SPTAN1: variants seen among roughly 807,000 people sequenced by gnomAD.
The protein encoded by SPTAN1 is spectrin alpha chain, non-erythrocytic 1.
In SPTAN1, 61 loss-of-function variants were observed where a neutral mutation model predicts 331.3. The observed-to-expected ratio is 0.18, with a 90% CI of 0.15 to 0.23. The LOEUF is 0.23. Ranked by LOEUF, SPTAN1 falls within the 10% of genes least tolerant of loss-of-function variation. SPTAN1 has a pLI of 1.00. For missense variants in SPTAN1, 2,043 were observed against 3,147.9 expected (o/e 0.65, Z 8.40); for synonymous variants, 1,153 against 1,173.9 (o/e 0.98, Z 0.36).
chr9:128,608,561 A>G (rs1435201142), intron 34 of SPTAN1, among the ~76,000 whole-genome samples: 1 of 152,238 alleles, frequency 6.6e-6, no homozygotes. Context: ...TGTTTGATTT[A>G]TACGTCACTT....
At position 128,608,230 on chromosome 9, in the gene SPTAN1, C is replaced by T; in HGVS notation, c.4445C>T (p.Ala1482Val). The change falls in exon 34 of 57, where the codon GCT becomes GTT. Residue 1482 changes from alanine to valine, a missense_variant. This residue lies in a region of SPTAN1 where 179 missense variants were observed against 215.7 expected (regional missense o/e 0.83). Coordinates refer to ENST00000372739, the MANE Select transcript of SPTAN1 (RefSeq NM_001130438.3). The part of the protein sequence containing the change: ...DKGDSLDSVE[A>V]LIKKHEDFDK... ...GGAGACTCACTGGACAGCGTAGAGGCTCTGATCAAAAAACATGAAGACTTT... is the reference window on the plus strand; with the variant it reads ...GGAGACTCACTGGACAGCGTAGAGGTTCTGATCAAAAAACATGAAGACTTT... 1 of 1,614,138 alleles carries T rather than the reference C, an allele frequency of 6.2e-7. No individual in the cohort carries two copies. The highest frequency in any genetic ancestry group is 8.5e-7 in the Non-Finnish European group (1 of 1,180,028).
Position 128,626,607 on chromosome 9 carries a change from C to T in SPTAN1, c.6496C>T (p.Arg2166Cys), listed in dbSNP as rs775190610. 24 of 1,613,838 alleles carry T rather than the reference C, an allele frequency of 1.5e-5. No homozygotes were observed. The highest frequency in any genetic ancestry group is 4.5e-5 in the East Asian group (2 of 44,882). Residue 2166 changes from arginine (R) to cysteine (C), a missense_variant, in exon 49 of 57, where the codon CGC becomes TGC. Around this residue, in one of 12 missense-constraint regions of SPTAN1, gnomAD observed 256 missense variants for 376.4 expected, o/e 0.68. Coordinates refer to ENST00000372739, the MANE Select transcript of SPTAN1 (RefSeq NM_001130438.3). ...AELDRQIKSFRVASNPYTWFT... is the reference protein window; with the variant it reads ...AELDRQIKSFCVASNPYTWFT... ...GCTGGACCGCCAGATCAAGAGCTTCCGCGTAGCCTCCAACCCCTACACCTG... is the reference window on the plus strand; with the variant it reads ...GCTGGACCGCCAGATCAAGAGCTTCTGCGTAGCCTCCAACCCCTACACCTG...
intron 49 of SPTAN1, 150 bp downstream of exon 49, chr9:128,626,837 G>T: frequency 1.0e-6 from 1 of 982,880 alleles, no homozygotes. Flanking sequence ...TTGTGTTCTT[G>T]AGGCAGGGTC....
At chr9:128,567,159 A>T (rs1353840297) in intron 2 of SPTAN1, among the ~76,000 whole-genome samples, 182 bp downstream of exon 2, 1 of 152,202 alleles carries the variant, frequency 6.6e-6, no homozygotes, top group African/African-American at 2.4e-5. Context: ...TCTTAGAGGT[A>T]TTAATTGTCT....
rs539925228 is a variant in SPTAN1, at chr9:128,617,123, C to CAGCT, written c.5358-515_5358-512dup. ...GCATAGTGGCGCACACCTGTGGTCC[C>CAGCT]AGCTACTCCGGAGGCTGAGGTGGGA... is the stretch of plus-strand genomic sequence containing the variant. On this transcript the variant is annotated intron_variant, in intron 41 of 56. Coordinates refer to ENST00000372739, the MANE Select transcript of SPTAN1 (RefSeq NM_001130438.3). Among the ~76,000 whole-genome samples, 771 of 152,004 alleles carry CAGCT rather than the reference C, an allele frequency of 5.1e-3. 4 individuals are homozygous for CAGCT. Among genetic ancestry groups the CAGCT allele is most frequent in the Admixed American group, 8.4e-3 (128 of 15,238 alleles).
intron 51 of SPTAN1, 131 bp from the exon 52 acceptor site, chr9:128,630,190 T>C: frequency 1.0e-6 from 1 of 954,044 alleles, no homozygotes; most frequent in Non-Finnish European, 1.7e-6. Context: ...AGATGGCCAG[T>C]TGCAGTTAGG....
Position 128,621,244 on chromosome 9 carries a change from C to T in SPTAN1, c.5820C>T (p.Asp1940=), listed in dbSNP as rs147815147. 14 of 1,613,434 alleles carry T rather than the reference C, an allele frequency of 8.7e-6. No homozygotes were observed. The African/African-American group carries it at 1.6e-4, about 18-fold the overall frequency. The change falls in exon 45 of 57, where the codon GAC becomes GAT. Residue 1940 remains aspartate (D), a synonymous_variant. Transcript: ENST00000372739. ...RVNDVCTNGQ[D]LIKKNNHHEE... ...ATGATGTCTGCACCAATGGACAAGA[C>T]CTCATTAAGAAGGTGAGTCCAGCCC...
At chr9:128,574,923 A>C (rs1246899308) in intron 4 of SPTAN1, 108 bp downstream of exon 4, 3 of 1,528,818 alleles carry the variant, frequency 2.0e-6, no homozygotes, top group Non-Finnish European at 2.7e-6. Flanking sequence ...GGCCATTTTA[A>C]GTAAAAGGGT....
intron 1 of SPTAN1, among the ~76,000 whole-genome samples, chr9:128,554,421 G>C (rs1310133692): frequency 6.6e-6 from 1 of 152,170 alleles, no homozygotes; most frequent in Non-Finnish European, 1.5e-5. Flanking sequence ...GGTGCACATG[G>C]GGAGAGCTGT....
In SPTAN1 at chr9:128,633,429, T is replaced by C. The variant is rs879172349; in HGVS notation, c.*95T>C. On this transcript the variant is annotated 3_prime_UTR_variant, in exon 57 of 57. Coordinates refer to ENST00000372739, the MANE Select transcript of SPTAN1 (RefSeq NM_001130438.3). ...GTGCTCTCACTTTCCACTGTAACCT[T>C]AAGCCTGCTTAGCTTGGAATAAGAC... 8.2e-6 allele frequency: 13 copies of C among 1,585,526 alleles called. No individual in the cohort carries two copies. In the South Asian group the frequency reaches 1.2e-4, roughly 15 times the overall value.
At chr9:128,584,972 CTG>C in intron 18 of SPTAN1, 129 bp downstream of exon 18, 4 of 1,084,254 alleles carry the variant, frequency 3.7e-6, no homozygotes, top group Non-Finnish European at 5.6e-6. Flanking sequence ...TCTTTCCTAA[CTG>C]TATGACCTGA....
intron 27 of SPTAN1, among the ~76,000 whole-genome samples, chr9:128,601,163 A>G (rs1186258934): frequency 6.6e-6 from 1 of 150,758 alleles, no homozygotes; most frequent in East Asian, 1.9e-4. Context: ...TTGTATGTTC[A>G]GAAGAGATAG....
chr9:128,609,618 C>G (rs373072698), intron 36 of SPTAN1, 33 bp from the exon 37 acceptor site: 6 of 1,516,046 alleles, frequency 4.0e-6, no homozygotes, highest in Non-Finnish European at 4.4e-6. Context: ...CATCAGTGTA[C>G]TGAACTCTTG....
At chr9:128,573,425 A>C (rs1304661407) in intron 3 of SPTAN1, among the ~76,000 whole-genome samples, 4 of 152,146 alleles carry the variant, frequency 2.6e-5, no homozygotes, top group African/African-American at 7.2e-5. Flanking sequence ...CCTTTTTGAT[A>C]GCTGATGACT....
At chr9:128,586,663 A>G (rs1156964033) in intron 19 of SPTAN1, among the ~76,000 whole-genome samples, 2 of 151,976 alleles carry the variant, frequency 1.3e-5, no homozygotes, top group Admixed American at 6.6e-5. Context: ...CCACATACCA[A>G]CATGCACACA....
chr9:128,615,760 C>T lies in SPTAN1; in HGVS notation c.5277C>T (p.Ala1759=). 1 of 1,614,240 alleles carries T rather than the reference C, an allele frequency of 6.2e-7. No homozygotes were observed. The highest frequency in any genetic ancestry group is 8.5e-7 in the Non-Finnish European group (1 of 1,180,054). Residue 1759 remains alanine (A), a synonymous_variant, in exon 41 of 57, where the codon GCC becomes GCT. Transcript: ENST00000372739. ...GRFQKIKSMA[A]SRRAKLNESH... The stretch of plus-strand genomic sequence containing the variant: ...TCCAGAAGATCAAGAGCATGGCGGC[C>T]TCCCGGCGAGCCAAGCTGAATGAAT...
chr9:128,611,812 T>C lies in SPTAN1; in HGVS notation c.4872T>C (p.Arg1624=). ...ACATGGGCAACTCCCTCATTGAACG[T>C]GGAGCCTGTGCCGGCAGTGAGGATG... The part of the protein sequence containing the change: ...VIDMGNSLIE[R]GACAGSEDAV... The change falls in exon 38 of 57, where the codon CGT becomes CGC. Residue 1624 remains arginine (R), a synonymous_variant. Coordinates refer to ENST00000372739, the MANE Select transcript of SPTAN1 (RefSeq NM_001130438.3). The C allele has an allele frequency of 6.2e-7, 1 of 1,614,164 alleles. No homozygotes were observed. The highest frequency in any genetic ancestry group is 8.5e-7 in the Non-Finnish European group (1 of 1,180,042).
rs779508833 is a variant in SPTAN1 at position 128,609,370 on chromosome 9, C to G, written c.4758+86C>G. The G allele has an allele frequency of 1.2e-5, 19 of 1,575,830 alleles. No homozygotes were observed. The East Asian group carries it at 4.0e-4, about 34-fold the overall frequency. The stretch of plus-strand genomic sequence containing the variant: ...TTAAATAAAGCATTTATAAAACAAT[C>G]TCCTTGCACCCATGGGAAGTCAGTG... On this transcript the variant is annotated intron_variant, in intron 36 of 56. Coordinates refer to ENST00000372739, the MANE Select transcript of SPTAN1 (RefSeq NM_001130438.3).
Position 128,629,839 on chromosome 9 carries a change from C to T in SPTAN1, c.6708-482C>T. ...TTGTCTGCAGGGTCGTGCTCTCATT[C>T]CCCCTAGAATGGGGCTCCCTCCCTC... On this transcript the variant is annotated intron_variant, in intron 51 of 56. Transcript: ENST00000372739. The surrounding 1 kb of genome is among the most constrained non-coding windows in gnomAD (Gnocchi z 4.9). 1 of 312,404 alleles carries T rather than the reference C, an allele frequency of 3.2e-6. No individual in the cohort carries two copies. The highest frequency in any genetic ancestry group is 6.3e-6 in the Non-Finnish European group (1 of 157,894). 19.4% of individuals were successfully genotyped at this position (312,404 alleles called of 1,614,324 possible). A position where few individuals can be genotyped will look rare whatever the true frequency, so the allele number is the denominator to read the frequency against.
Sources: allele counts gnomAD v4.1 joint callset (sites outside exome capture counted in the v4.1 genomes callset), GRCh38; gene constraint gnomAD v4.1.1; regional missense constraint gnomAD v4.1.1; non-coding constraint Gnocchi (gnomAD v3.1); transcripts MANE v1.5; gene names NCBI Gene and HGNC (gene_info 2026-07-23, HGNC 2026-07-21).